ROBO2: variants seen among roughly 807,000 people sequenced by gnomAD.
The protein encoded by ROBO2 is roundabout guidance receptor 2, also known as roundabout homolog 2.
Under a neutral mutation model 160.8 loss-of-function variants are expected in ROBO2, and 53 were observed. The observed-to-expected ratio is 0.33, with a 90% CI of 0.26 to 0.41. The LOEUF (loss-of-function observed/expected upper bound fraction) is 0.41. Ranked by LOEUF, ROBO2 falls within the 10% of genes least tolerant of loss-of-function variation. The pLI is 1.00. For missense variants in ROBO2, 1,577 were observed against 1,722.4 expected, an observed-to-expected ratio of 0.92 and a Z score of 1.49; for synonymous variants, 664 against 611.7, an observed-to-expected ratio of 1.09 and a Z score of -1.26.
chr3:77,410,040 G>A (rs1330904168), intron 2 of ROBO2, among the ~76,000 whole-genome samples: 1 of 152,138 alleles, frequency 6.6e-6, no homozygotes, highest in Non-Finnish European at 1.5e-5. Context: ...TATCTCCTAA[G>A]TGATCAGTAA....
intron 2 of ROBO2, among the ~76,000 whole-genome samples, chr3:76,534,875 T>C (rs2082410139): frequency 6.6e-6 from 1 of 152,054 alleles, no homozygotes; most frequent in Admixed American, 6.6e-5. Context: ...GTTTTAAGGA[T>C]GGATTTCCAT....
rs147590263 is a variant in ROBO2, at chr3:76,970,592, G to A, written c.110-127422G>A. Among the ~76,000 whole-genome samples, 893 of 152,246 alleles carry A rather than the reference G, an allele frequency of 5.9e-3. 7 individuals carry two copies. The highest frequency in any genetic ancestry group is 0.013 in the East Asian group (66 of 5,166). ...CAGAAGGGCTACATGGAAAGGGACA[G>A]AAGAGTCTTTCCAGGAAACAAAACT... is the stretch of plus-strand genomic sequence containing the variant. On this transcript the variant is annotated intron_variant, in intron 2 of 26. Coordinates refer to the ROBO2 transcript ENST00000487694.
intron 22 of ROBO2, chr3:77,617,974 G>A (rs2094818566): frequency 1.7e-6 from 1 of 596,538 alleles, no homozygotes; most frequent in Non-Finnish European, 2.9e-6. Flanking sequence ...ACTAGAACTA[G>A]AACTGGAACT....
chr3:76,941,724 G>T (rs1172652795), intron 2 of ROBO2, among the ~76,000 whole-genome samples: 1 of 152,146 alleles, frequency 6.6e-6, no homozygotes, highest in Non-Finnish European at 1.5e-5. Flanking sequence ...GGATGATTGT[G>T]TCTCTCTCCC....
intron 2 of ROBO2, among the ~76,000 whole-genome samples, chr3:77,108,903 C>T (rs1435779592): frequency 6.6e-6 from 1 of 151,738 alleles, no homozygotes; most frequent in Non-Finnish European, 1.5e-5. Flanking sequence ...ATCCTAGAAC[C>T]CAAGGGAGCA....
intron 2 of ROBO2, among the ~76,000 whole-genome samples, chr3:76,834,812 T>C (rs2067533229): frequency 6.6e-6 from 1 of 152,206 alleles, no homozygotes; most frequent in Non-Finnish European, 1.5e-5. Context: ...GATATAGACA[T>C]GCAATCATTT....
At chr3:77,184,574 G>A (rs113597939) in intron 2 of ROBO2, among the ~76,000 whole-genome samples, 4,658 of 152,058 alleles carry the variant, frequency 0.031, 235 homozygotes, top group African/African-American at 0.11. Context: ...AGAGGATGGG[G>A]TTTGGGTTTG....
chr3:76,519,501 G>T (rs890146355), intron 2 of ROBO2, among the ~76,000 whole-genome samples: 1 of 152,196 alleles, frequency 6.6e-6, no homozygotes, highest in African/African-American at 2.4e-5. Context: ...GCAAAGCAAG[G>T]TAGAGGGTTA....
At chr3:77,157,913 T>G (rs1024351134) in intron 2 of ROBO2, among the ~76,000 whole-genome samples, 3 of 152,096 alleles carry the variant, frequency 2.0e-5, no homozygotes, top group Admixed American at 2.0e-4. Flanking sequence ...TGAAAGTCCT[T>G]GAATACGGCC....
intron 1 of ROBO2, among the ~76,000 whole-genome samples, chr3:77,071,977 A>G (rs956506050): frequency 2.0e-5 from 3 of 152,220 alleles, no homozygotes; most frequent in African/African-American, 7.2e-5. Context: ...CTTGTTAGGA[A>G]CTGGGCCACA....
At chr3:76,635,947 T>C (rs141537003) in intron 2 of ROBO2, among the ~76,000 whole-genome samples, 91 of 152,348 alleles carry the variant, frequency 6.0e-4, no homozygotes, top group African/African-American at 2.1e-3. Flanking sequence ...CCCAGCCTGC[T>C]AGCCTGACTG....
chr3:76,965,370 C>T (rs2079988840), intron 2 of ROBO2, among the ~76,000 whole-genome samples: 1 of 152,202 alleles, frequency 6.6e-6, no homozygotes, highest in Non-Finnish European at 1.5e-5. Flanking sequence ...AATTGGTAGT[C>T]TCTGCCTTTC....
At chr3:76,982,472 T>C (rs894326801) in intron 2 of ROBO2, among the ~76,000 whole-genome samples, 3 of 152,236 alleles carry the variant, frequency 2.0e-5, no homozygotes, top group Non-Finnish European at 4.4e-5. Context: ...TTGATTAGCA[T>C]ACCTTTGTAG....
intron 2 of ROBO2, among the ~76,000 whole-genome samples, chr3:76,310,191 G>A (rs1277026080): frequency 6.6e-6 from 1 of 152,162 alleles, no homozygotes; most frequent in African/African-American, 2.4e-5. Flanking sequence ...ACTGTCATGT[G>A]TTAATTATAA....
intron 2 of ROBO2, among the ~76,000 whole-genome samples, chr3:76,114,386 T>A (rs2070371733): frequency 6.6e-6 from 1 of 152,256 alleles, no homozygotes; most frequent in South Asian, 2.1e-4. Context: ...AAGTTTGTGA[T>A]CATTAGCTGC....
chr3:77,641,092 A>G (rs2095344481), intron 24 of ROBO2, among the ~76,000 whole-genome samples: 1 of 152,272 alleles, frequency 6.6e-6, no homozygotes, highest in Non-Finnish European at 1.5e-5. Flanking sequence ...AATAACATAT[A>G]GTGAAGGAAG....
chr3:76,977,822 G>T (rs2059887521), intron 2 of ROBO2, among the ~76,000 whole-genome samples: 1 of 152,122 alleles, frequency 6.6e-6, no homozygotes, highest in African/African-American at 2.4e-5. Flanking sequence ...TTTTCATAAA[G>T]ATACTGTCTT....
chr3:77,624,331 G>A (rs1027787120), intron 23 of ROBO2, among the ~76,000 whole-genome samples: 1 of 152,112 alleles, frequency 6.6e-6, no homozygotes, highest in African/African-American at 2.4e-5. Context: ...GTGTGTGTGT[G>A]AGAGAGTATG....
At chr3:77,030,962 C>T (rs372084154) in intron 2 of ROBO2, among the ~76,000 whole-genome samples, 2 of 152,050 alleles carry the variant, frequency 1.3e-5, no homozygotes, top group Non-Finnish European at 2.9e-5. Context: ...CCTGTATTGC[C>T]CCCATGAATT....
Sources: allele counts gnomAD v4.1 joint callset (sites outside exome capture counted in the v4.1 genomes callset), GRCh38; gene constraint gnomAD v4.1.1; transcripts MANE v1.5; gene names NCBI Gene and HGNC (gene_info 2026-07-23, HGNC 2026-07-21).